EXOC4: variants seen among roughly 807,000 people sequenced by gnomAD.
The protein encoded by EXOC4 is exocyst complex component 4, also known as SEC8-like 1.
EXOC4 carries 71 observed loss-of-function variants against 107.2 expected under a neutral mutation model. That is an observed-to-expected ratio of 0.66 (90% CI 0.55 to 0.81). The LOEUF (loss-of-function observed/expected upper bound fraction) is 0.81. EXOC4 is among the 30% of genes least tolerant of loss of function. The pLI, the probability that EXOC4 is intolerant of heterozygous loss-of-function variation, is 0.00. For missense variants in EXOC4, 1,108 were observed against 1,189.6 expected, an observed-to-expected ratio of 0.93 and a Z score of 1.01; for synonymous variants, 456 against 441.2, an observed-to-expected ratio of 1.03 and a Z score of -0.42.
intron 9 of EXOC4, among the ~76,000 whole-genome samples, chr7:133,486,766 CTT>C (rs893851956): frequency 1.3e-5 from 2 of 151,536 alleles, no homozygotes; most frequent in African/African-American, 2.4e-5. Context: ...TATATTCTTG[CTT>C]TTTTTTAAAA....
intron 9 of EXOC4, among the ~76,000 whole-genome samples, chr7:133,540,499 G>A (rs1179899632): frequency 6.6e-6 from 1 of 152,074 alleles, no homozygotes; most frequent in Non-Finnish European, 1.5e-5. Flanking sequence ...TCCATGCATG[G>A]GTTCATTTTT....
intron 11 of EXOC4, among the ~76,000 whole-genome samples, chr7:133,886,299 C>G (rs1033668720): frequency 3.9e-5 from 6 of 152,062 alleles, no homozygotes; most frequent in African/African-American, 1.4e-4. Flanking sequence ...TTATGTGGAC[C>G]GGGAGCCAAT....
chr7:133,809,213 G>A (rs1038088664), intron 10 of EXOC4, among the ~76,000 whole-genome samples: 1 of 152,158 alleles, frequency 6.6e-6, no homozygotes, highest in Non-Finnish European at 1.5e-5. Context: ...TGTAGCACAC[G>A]TAATTCATTC....
At chr7:134,050,260 G>A (rs888842947) in intron 17 of EXOC4, among the ~76,000 whole-genome samples, 8 of 152,080 alleles carry the variant, frequency 5.3e-5, no homozygotes, top group South Asian at 2.1e-4. Flanking sequence ...ATCTTTTTAC[G>A]TAACAAAAAA....
chr7:133,786,502 G>A (rs778938115), intron 10 of EXOC4, among the ~76,000 whole-genome samples: 2 of 152,204 alleles, frequency 1.3e-5, no homozygotes, highest in Non-Finnish European at 2.9e-5. Flanking sequence ...GGCCCAGAAC[G>A]TAACTTAGAA....
At chr7:133,569,748 C>T (rs1363846316) in intron 9 of EXOC4, among the ~76,000 whole-genome samples, 3 of 152,148 alleles carry the variant, frequency 2.0e-5, no homozygotes, top group Non-Finnish European at 4.4e-5. Context: ...TTTTGACAGT[C>T]TTTTGCCTTT....
intron 7 of EXOC4, among the ~76,000 whole-genome samples, chr7:133,380,039 T>C (rs924149977): frequency 1.2e-4 from 18 of 150,848 alleles, no homozygotes; most frequent in African/African-American, 4.4e-4. Flanking sequence ...AATTGAACAA[T>C]GAGAACACTT....
intron 7 of EXOC4, among the ~76,000 whole-genome samples, chr7:133,435,264 C>T (rs187644355): frequency 9.2e-5 from 14 of 152,210 alleles, no homozygotes; most frequent in African/African-American, 1.9e-4. Context: ...AACGTTCCAT[C>T]GTGCTGAACC....
chr7:133,479,529 T>C (rs1292596615), intron 8 of EXOC4: 2 of 153,578 alleles, frequency 1.3e-5, no homozygotes, highest in African/African-American at 4.8e-5. Context: ...GGAGAGATTA[T>C]AGCTGCCTTG....
intron 10 of EXOC4, among the ~76,000 whole-genome samples, chr7:133,776,204 C>T (rs1355544353): frequency 2.5e-5 from 3 of 122,256 alleles, no homozygotes; most frequent in South Asian, 3.3e-4. Flanking sequence ...TTTATTGTCA[C>T]GAGTCTATTT....
intron 5 of EXOC4, among the ~76,000 whole-genome samples, chr7:133,320,127 C>G (rs1012671434): frequency 6.6e-6 from 1 of 152,138 alleles, no homozygotes; most frequent in Non-Finnish European, 1.5e-5. Flanking sequence ...CCAGGTTCGA[C>G]TATGCTCTTC....
intron 7 of EXOC4, among the ~76,000 whole-genome samples, chr7:133,474,474 A>AT (rs34366230): frequency 0.18 from 25,505 of 141,724 alleles, 2,435 homozygotes; most frequent in African/African-American, 0.27. Flanking sequence ...TGCCCAGCCA[A>AT]TTTTTTTTTT....
At chr7:133,654,937 C>G (rs1332571802) in intron 10 of EXOC4, among the ~76,000 whole-genome samples, 1 of 152,026 alleles carries the variant, frequency 6.6e-6, no homozygotes, top group African/African-American at 2.4e-5. Context: ...AGCAAAAATA[C>G]CATACAAAAT....
At chr7:133,884,410 C>G (rs915092622) in intron 11 of EXOC4, among the ~76,000 whole-genome samples, 1 of 152,120 alleles carries the variant, frequency 6.6e-6, no homozygotes, top group Non-Finnish European at 1.5e-5. Flanking sequence ...GGCTGGTGTT[C>G]CATGAAATCG....
downstream of EXOC4, among the ~76,000 whole-genome samples, chr7:134,067,182 G>A (rs1023765441): frequency 3.4e-5 from 5 of 145,434 alleles, no homozygotes; most frequent in Admixed American, 1.4e-4. Flanking sequence ...AAAGGCCAAC[G>A]AAATACGCCT....
chr7:133,437,842 C>A (rs770275337), intron 7 of EXOC4, among the ~76,000 whole-genome samples: 5 of 152,092 alleles, frequency 3.3e-5, no homozygotes, highest in Non-Finnish European at 7.4e-5. Context: ...ATGTCTTTTT[C>A]ATTTTTCTTG....
intron 11 of EXOC4, among the ~76,000 whole-genome samples, chr7:133,855,680 C>T (rs1461496066): frequency 6.6e-6 from 1 of 152,132 alleles, no homozygotes; most frequent in Non-Finnish European, 1.5e-5. Context: ...AAAGCAACTA[C>T]TGATAAGAAA....
intron 10 of EXOC4, among the ~76,000 whole-genome samples, chr7:133,632,082 A>G (rs1263931283): frequency 1.3e-5 from 2 of 152,148 alleles, no homozygotes; most frequent in Non-Finnish European, 2.9e-5. Context: ...ACATATATGT[A>G]AATATATATG....
chr7:133,552,309 A>G (rs557121506), intron 9 of EXOC4, among the ~76,000 whole-genome samples: 1 of 152,260 alleles, frequency 6.6e-6, no homozygotes, highest in Admixed American at 6.5e-5. Context: ...TGCATCTTAA[A>G]TATTTTAGGC....
Sources: allele counts gnomAD v4.1 joint callset (sites outside exome capture counted in the v4.1 genomes callset), GRCh38; gene constraint gnomAD v4.1.1; transcripts MANE v1.5; gene names NCBI Gene and HGNC (gene_info 2026-07-23, HGNC 2026-07-21).